The following ANO1 variants were observed in gnomAD, a reference collection of about 807,000 sequenced individuals.
ANO1 encodes the protein anoctamin-1.
Under a neutral mutation model 124.0 loss-of-function variants are expected in ANO1, and 59 were observed. That is an observed-to-expected ratio of 0.48 (90% CI 0.39 to 0.59). The LOEUF is 0.59. Among genes scored for constraint, ANO1 ranks in the 20% least tolerant of loss-of-function variants. The pLI is 0.00. For synonymous variants in ANO1, 529 were observed against 532.0 expected (o/e 0.99, Z 0.08); for missense variants, 1,059 against 1,328.0 (o/e 0.80, Z 3.15).
chr11:69,990,010 A>G (rs1190563495), intron 1 of ANO1, among the ~76,000 whole-genome samples: 2 of 152,206 alleles, frequency 1.3e-5, no homozygotes, highest in African/African-American at 4.8e-5. Context: ...TAACATTTTA[A>G]TCATTTTAAG....
intron 1 of ANO1, among the ~76,000 whole-genome samples, chr11:70,052,961 T>C (rs2135087511): frequency 6.6e-6 from 1 of 152,340 alleles, no homozygotes; most frequent in East Asian, 1.9e-4. Context: ...GTTTGGTGAT[T>C]TTTCTTTATT....
intron 2 of ANO1, among the ~76,000 whole-genome samples, chr11:70,102,857 C>T (rs1360053746): frequency 6.6e-6 from 1 of 152,322 alleles, no homozygotes; most frequent in South Asian, 2.1e-4. Flanking sequence ...CCTGGGGGAG[C>T]TCCCACAGCC....
rs752151583 is a variant in ANO1 at position 70,182,491 on chromosome 11, C to T, written c.2404-11C>T. On this transcript the variant is annotated splice_polypyrimidine_tract_variant and intron_variant, in intron 23 of 25. Transcript: ENST00000355303. Reference sequence around the variant, plus strand: ...CTGGGGGTCCCCCTCACTGCCATGTCCCCTGCACAGGCCTTCGTGATCTCC... The same window carrying T: ...CTGGGGGTCCCCCTCACTGCCATGTTCCCTGCACAGGCCTTCGTGATCTCC... 2 of 1,555,564 alleles carry T rather than the reference C, an allele frequency of 1.3e-6. No individual in the cohort carries two copies. Among genetic ancestry groups the T allele is most frequent in the Non-Finnish European group, 1.7e-6 (2 of 1,149,858 alleles).
chr11:70,068,727 C>T (rs1857795125), intron 1 of ANO1, among the ~76,000 whole-genome samples: 1 of 152,080 alleles, frequency 6.6e-6, no homozygotes, highest in African/African-American at 2.4e-5. Flanking sequence ...GCTGGCACGC[C>T]CCCTACTCTT....
chr11:70,174,540 C>T (rs2048612410), intron 22 of ANO1, among the ~76,000 whole-genome samples: 1 of 152,230 alleles, frequency 6.6e-6, no homozygotes. Context: ...CAGCATAGCG[C>T]TGCTTTGAAA....
At chr11:70,057,665 C>G (rs1857472657) in intron 1 of ANO1, among the ~76,000 whole-genome samples, 1 of 151,942 alleles carries the variant, frequency 6.6e-6, no homozygotes, top group African/African-American at 2.4e-5. Flanking sequence ...ACTCATTGTC[C>G]AGGGGAGGAA....
At chr11:70,061,470 C>G (rs782020360) in intron 1 of ANO1, among the ~76,000 whole-genome samples, 3 of 150,764 alleles carry the variant, frequency 2.0e-5, no homozygotes, top group Non-Finnish European at 4.4e-5. Flanking sequence ...CTCTCTCTCT[C>G]CCCACCTCCC....
chr11:69,982,872 G>A (rs1855971095), upstream of ANO1, among the ~76,000 whole-genome samples: 1 of 152,192 alleles, frequency 6.6e-6, no homozygotes, highest in Admixed American at 6.5e-5. Flanking sequence ...CAGACTTCCT[G>A]AGATCATGCG....
At chr11:70,021,855 C>A (rs1056933305) in intron 1 of ANO1, among the ~76,000 whole-genome samples, 6 of 152,168 alleles carry the variant, frequency 3.9e-5, no homozygotes, top group Admixed American at 2.0e-4. Context: ...CAGGCAGGAG[C>A]GTGCGAACTG....
upstream of ANO1, among the ~76,000 whole-genome samples, chr11:69,982,986 G>C (rs1020111797): frequency 6.6e-6 from 1 of 152,156 alleles, no homozygotes; most frequent in African/African-American, 2.4e-5. Context: ...GTCATCTGAG[G>C]GTCCAGAGAA....
At chr11:70,090,907 A>C (rs1220860970) in intron 2 of ANO1, among the ~76,000 whole-genome samples, 2 of 152,208 alleles carry the variant, frequency 1.3e-5, no homozygotes, top group Non-Finnish European at 2.9e-5. Flanking sequence ...GCTGAAGTTG[A>C]GATGTTCCCA....
chr11:70,174,906 AAAAAAAGAAAAG>A (rs1234468091), intron 22 of ANO1, among the ~76,000 whole-genome samples: 3 of 135,276 alleles, frequency 2.2e-5, no homozygotes, highest in East Asian at 2.2e-4. Context: ...AGGTACAGCT[AAAAAAAGAAAAG>A]AAAAAAGAAA....
In ANO1 at chr11:70,104,078, C is replaced by T. The variant is rs756435644; in HGVS notation, c.620C>T (p.Pro207Leu). ...CAGAAAATCACAGATCCCATCCAGC[C>T]CAAAGTGGCTGAGCACAGGCCCCAG... ...VLQKITDPIQ[P>L]KVAEHRPQTM... The change falls in exon 4 of 26, where the codon CCC (proline) becomes CTC (leucine). Residue 207 changes from proline (P) to leucine (L), a missense_variant. Coordinates refer to ENST00000355303, the MANE Select transcript of ANO1 (RefSeq NM_018043.7). 6.2e-7 allele frequency: 1 copy of T among 1,613,014 alleles called. No homozygotes were observed. The highest frequency in any genetic ancestry group is 8.5e-7 in the Non-Finnish European group (1 of 1,179,586).
At chr11:70,118,704 G>A (rs1040293067) in intron 8 of ANO1, among the ~76,000 whole-genome samples, 1 of 150,726 alleles carries the variant, frequency 6.6e-6, no homozygotes, top group South Asian at 2.1e-4. Flanking sequence ...GATGAATGAT[G>A]GTTGATGGAT....
At chr11:70,014,017 G>GAGAC (rs1555001512) in intron 1 of ANO1, among the ~76,000 whole-genome samples, 2 of 151,680 alleles carry the variant, frequency 1.3e-5, no homozygotes, top group South Asian at 4.2e-4. Flanking sequence ...GAGAGAGAGA[G>GAGAC]AGATCTCTGG....
intron 7 of ANO1, among the ~76,000 whole-genome samples, chr11:70,112,767 C>A (rs1295620264): frequency 6.6e-6 from 1 of 152,092 alleles, no homozygotes; most frequent in Non-Finnish European, 1.5e-5. Context: ...CCATGTTGGC[C>A]AGGCTGGTCT....
intron 2 of ANO1, among the ~76,000 whole-genome samples, chr11:70,100,943 G>A (rs974852489): frequency 1.1e-4 from 17 of 152,226 alleles, no homozygotes; most frequent in Admixed American, 9.2e-4. Flanking sequence ...AGGCCTGAGC[G>A]GTGGTGCTGG....
chr11:70,170,363 G>C (rs1432781700), intron 21 of ANO1, among the ~76,000 whole-genome samples: 1 of 152,208 alleles, frequency 6.6e-6, no homozygotes, highest in Non-Finnish European at 1.5e-5. Context: ...CCAGCACTTT[G>C]GGTGGATGAC....
At chr11:70,105,891 C>T in intron 5 of ANO1, 103 bp downstream of exon 5, 1 of 1,195,670 alleles carries the variant, frequency 8.4e-7, no homozygotes, top group Non-Finnish European at 1.2e-6. Context: ...GAAGCCGGCT[C>T]TAATTGTCTG....
Sources: allele counts gnomAD v4.1 joint callset (sites outside exome capture counted in the v4.1 genomes callset), GRCh38; gene constraint gnomAD v4.1.1; transcripts MANE v1.5; gene names NCBI Gene and HGNC (gene_info 2026-07-23, HGNC 2026-07-21).